The following SLC9A4 variants were observed in gnomAD, a reference collection of about 807,000 sequenced individuals.
SLC9A4 encodes the protein sodium/hydrogen exchanger 4.
A neutral mutation model predicts 67.4 loss-of-function variants in SLC9A4; 63 were observed. The ratio of observed to expected loss-of-function variants is 0.93; its 90% CI spans 0.76 to 1.15. The LOEUF is 1.15. SLC9A4 is among the 50% of genes most tolerant of loss of function. The probability of loss-of-function intolerance (pLI) is 0.00; values close to 1 mark genes in which losing one functional copy is unlikely to be tolerated. For missense variants in SLC9A4, 1,089 were observed against 987.7 expected (o/e 1.10, Z -1.38); for synonymous variants, 393 against 367.2 (o/e 1.07, Z -0.80).
chr2:102,475,136 A>T (rs76561106), intron 1 of SLC9A4, among the ~76,000 whole-genome samples: 1,752 of 152,354 alleles, frequency 0.011, 34 homozygotes, highest in African/African-American at 0.039. Context: ...CAATTTGCTT[A>T]GTGAATAAGT....
chr2:102,487,684 G>A (rs369154063), intron 2 of SLC9A4, among the ~76,000 whole-genome samples: 15 of 152,148 alleles, frequency 9.9e-5, no homozygotes, highest in East Asian at 5.8e-4. Flanking sequence ...GAGCTACCTA[G>A]GAGTAATTAG....
chr2:102,532,206 G>A lies in SLC9A4; in HGVS notation c.2039-124G>A, dbSNP rs1014122099. On this transcript the variant is annotated intron_variant, in intron 11 of 11. Transcript: ENST00000295269. ...GAAAAATTGTGCTGATAAGAAAGTT[G>A]AGTGTAGAGCTGAAACCTCAGGAAG... 1.4e-4 allele frequency: 153 copies of A among 1,077,102 alleles called. No individual in the cohort carries two copies. The East Asian group carries it at 3.5e-3, about 25-fold the overall frequency. 66.7% of individuals were successfully genotyped at this position (1,077,102 alleles called of 1,614,324 possible). A position where few individuals can be genotyped will look rare whatever the true frequency, so the allele number is the denominator to read the frequency against.
At chr2:102,503,819 A>C in intron 3 of SLC9A4, 112 bp downstream of exon 3, 2 of 1,392,488 alleles carry the variant, frequency 1.4e-6, no homozygotes, top group Non-Finnish European at 1.9e-6. Flanking sequence ...ACCCTCCAAC[A>C]TGTTGCAGAT....
At chr2:102,530,797 T>C (rs1003431) in intron 11 of SLC9A4, among the ~76,000 whole-genome samples, 97,346 of 152,094 alleles carry the variant, frequency 0.64, 31,293 homozygotes, top group Middle Eastern at 0.72. Context: ...GATATATTAA[T>C]TAATGTTTTC....
intron 8 of SLC9A4, among the ~76,000 whole-genome samples, chr2:102,516,276 C>T (rs1261339346): frequency 6.6e-6 from 1 of 152,018 alleles, no homozygotes; most frequent in African/African-American, 2.4e-5. Context: ...TTTCCTCGTA[C>T]ACCCCAAGCA....
Position 102,532,552 on chromosome 2 carries a change from T to C in SLC9A4, c.2261T>C (p.Val754Ala). ...AGACCCAAACCTCTGTTTCATGCAG[T>C]GGATGAGGAGGGTGAGTCTGGAGGG... ...ALRPKPLFHA[V>A]DEEGESGGES... Residue 754 changes from valine (V) to alanine (A), a missense_variant, in exon 12 of 12, where the codon GTG becomes GCG. By Grantham distance (64) the Val-to-Ala change is moderately conservative. Transcript: ENST00000295269. 6.2e-7 allele frequency: 1 copy of C among 1,613,846 alleles called. No individual in the cohort carries two copies. The highest frequency in any genetic ancestry group is 8.5e-7 in the Non-Finnish European group (1 of 1,179,902).
chr2:102,493,582 C>A (rs1684748832), intron 2 of SLC9A4, among the ~76,000 whole-genome samples: 1 of 151,848 alleles, frequency 6.6e-6, no homozygotes, highest in African/African-American at 2.4e-5. Flanking sequence ...TTACCTCCCA[C>A]CATGTCACTC....
At chr2:102,492,645 C>A (rs1028307369) in intron 2 of SLC9A4, among the ~76,000 whole-genome samples, 6 of 152,208 alleles carry the variant, frequency 3.9e-5, no homozygotes, top group Non-Finnish European at 5.9e-5. Context: ...CCCTCCTAGG[C>A]CTCCAGCCAT....
At chr2:102,510,568 C>T (rs1248503434) in intron 6 of SLC9A4, among the ~76,000 whole-genome samples, 4 of 152,148 alleles carry the variant, frequency 2.6e-5, no homozygotes, top group South Asian at 2.1e-4. Context: ...TTAATCAGAT[C>T]TATAAAATAC....
In SLC9A4 at chr2:102,533,817, A is replaced by G. The variant is rs999738664; in HGVS notation, c.*1129A>G. ...TTTCATCCATGTCCCTACAAAGGACATGAACTCATCATTTTTTATGGCTGC... is the reference window on the plus strand; with the variant it reads ...TTTCATCCATGTCCCTACAAAGGACGTGAACTCATCATTTTTTATGGCTGC... On this transcript the variant is annotated 3_prime_UTR_variant, in exon 12 of 12. Coordinates refer to ENST00000295269, the MANE Select transcript of SLC9A4 (RefSeq NM_001011552.4). 1.7e-4 allele frequency: 26 copies of G among 151,802 alleles called. No individual in the cohort carries two copies. In the South Asian group the frequency reaches 3.3e-3, roughly 20 times the overall value. The allele number at this position is 151,802 out of a possible 1,614,324, so 9.4% of individuals were successfully genotyped here.
chr2:102,518,819 A>G (rs1685332709), intron 8 of SLC9A4, among the ~76,000 whole-genome samples: 1 of 152,212 alleles, frequency 6.6e-6, no homozygotes, highest in South Asian at 2.1e-4. Context: ...CAAAGGCTTC[A>G]GTGCCCTTAT....
In SLC9A4 at chr2:102,473,905, C is replaced by A; in HGVS notation, c.146C>A (p.Ala49Asp). ...QYASNAWFAA[A>D]SSEPEEGISV... is the part of the protein sequence containing the mutation. ...GCATCTAACGCTTGGTTTGCTGCTG[C>A]CAGCTCAGAGCCAGAGGAAGGGATA... The change falls in exon 1 of 12, where the codon GCC becomes GAC. Residue 49 changes from alanine (A) to aspartate (D), a missense_variant. By Grantham distance (126) the Ala-to-Asp change is moderately radical. Transcript: ENST00000295269. 6.2e-7 allele frequency: 1 copy of A among 1,614,094 alleles called. No homozygotes were observed. The highest frequency in any genetic ancestry group is 8.5e-7 in the Non-Finnish European group (1 of 1,179,950).
intron 8 of SLC9A4, among the ~76,000 whole-genome samples, chr2:102,518,359 T>A (rs1685321282): frequency 1.3e-5 from 2 of 152,230 alleles, no homozygotes; most frequent in Admixed American, 1.3e-4. Flanking sequence ...TAGCAGTACA[T>A]CACATTCACC....
At position 102,533,239 on chromosome 2, in the gene SLC9A4, A is replaced by C. The variant is rs1829849; in HGVS notation, c.*551A>C. The C allele has an allele frequency of 0.6, 92,422 of 153,170 alleles. 28,314 individuals are homozygous for C. Among genetic ancestry groups the C allele is most frequent in the Middle Eastern group, 0.71 (209 of 294 alleles). The allele number at this position is 153,170 out of a possible 1,614,324, so 9.5% of individuals were successfully genotyped here. A position where few individuals can be genotyped will look rare whatever the true frequency, so the allele number is the denominator to read the frequency against. The stretch of plus-strand genomic sequence containing the variant: ...CAATAATTATGTTCTATCAGAGATA[A>C]AATTTGTTATGAATTTGCTTTATTT... On this transcript the variant is annotated 3_prime_UTR_variant, in exon 12 of 12. Coordinates refer to ENST00000295269, the MANE Select transcript of SLC9A4 (RefSeq NM_001011552.4).
In SLC9A4 at chr2:102,505,252, A is replaced by G. The variant is rs1297498368; in HGVS notation, c.981-2A>G. ...TTCTCTGAGACTCTGCTCCTTTTAT[A>G]GAATCACAGCCTGCGCAGTAACAAT... On this transcript the variant is annotated splice_acceptor_variant, in intron 3 of 11. Coordinates refer to ENST00000295269, the MANE Select transcript of SLC9A4 (RefSeq NM_001011552.4). LOFTEE classifies it high-confidence loss of function. The G allele has an allele frequency of 6.2e-7, 1 of 1,613,336 alleles. No homozygotes were observed. Among genetic ancestry groups the G allele is most frequent in the East Asian group, 2.2e-5 (1 of 44,874 alleles).
rs568070692 is a variant in SLC9A4 at position 102,487,994 on chromosome 2, T to C, written c.720+8692T>C. ...CACATGACTTATTTCTTTTTGTTTGTAGATTATTCCTTTTAACCATGGACC... is the reference window on the plus strand; with the variant it reads ...CACATGACTTATTTCTTTTTGTTTGCAGATTATTCCTTTTAACCATGGACC... On this transcript the variant is annotated intron_variant, in intron 2 of 11. Coordinates refer to ENST00000295269, the MANE Select transcript of SLC9A4 (RefSeq NM_001011552.4). Among the ~76,000 whole-genome samples the C allele has an allele frequency of 2.6e-5, 4 of 152,344 alleles. No individual in the cohort carries two copies. In the South Asian group the frequency reaches 8.3e-4, roughly 32 times the overall value.
chr2:102,489,118 T>A (rs989338779), intron 2 of SLC9A4, among the ~76,000 whole-genome samples: 6 of 152,236 alleles, frequency 3.9e-5, no homozygotes, highest in Admixed American at 2.6e-4. Flanking sequence ...TGAGGTTAAG[T>A]GGCTTTTAAA....
rs768127941 is a variant in SLC9A4, at chr2:102,532,582, G to T, written c.2291G>T (p.Ser764Ile). Residue 764 changes from serine to isoleucine, a missense_variant, in exon 12 of 12, where the codon AGT becomes ATT. Transcript: ENST00000295269. Reference sequence around the variant, plus strand: ...GAGGAGGGTGAGTCTGGAGGGGAGAGTGAGGGCAAGGCCTCTTTGGTTGAG... The same window carrying T: ...GAGGAGGGTGAGTCTGGAGGGGAGATTGAGGGCAAGGCCTCTTTGGTTGAG... The part of the protein sequence containing the change: ...VDEEGESGGE[S>I]EGKASLVEVR... 7.4e-6 allele frequency: 12 copies of T among 1,614,108 alleles called. No homozygotes were observed. The highest frequency in any genetic ancestry group is 1.1e-5 in the South Asian group (1 of 91,076).
intron 4 of SLC9A4, among the ~76,000 whole-genome samples, chr2:102,506,744 A>C (rs930863189): frequency 1.3e-5 from 2 of 152,162 alleles, no homozygotes; most frequent in African/African-American, 2.4e-5. Flanking sequence ...AAAATTACAG[A>C]GCTTTAGCCG....
Sources: allele counts gnomAD v4.1 joint callset (sites outside exome capture counted in the v4.1 genomes callset), GRCh38; gene constraint gnomAD v4.1.1; transcripts MANE v1.5; gene names NCBI Gene and HGNC (gene_info 2026-07-23, HGNC 2026-07-21).